Variants in ABCC12 observed in about 807,000 individuals in gnomAD.
The protein encoded by ABCC12 is ATP binding cassette subfamily C member 12, also known as ATP-binding cassette sub-family C member 12.
ABCC12 carries 142 observed loss-of-function variants against 151.1 expected under a neutral mutation model. The ratio of observed to expected loss-of-function variants is 0.94; its 90% CI spans 0.82 to 1.08. ABCC12 has a LOEUF of 1.08. Ranked by LOEUF, ABCC12 falls within the 50% of genes least tolerant of loss-of-function variation. The pLI is 0.00. For synonymous variants in ABCC12, 645 were observed against 646.4 expected (o/e 1.00, Z 0.03); for missense variants, 1,638 against 1,691.1 (o/e 0.97, Z 0.55).
intron 8 of ABCC12, among the ~76,000 whole-genome samples, chr16:48,136,799 G>A (rs767973603): frequency 3.3e-5 from 5 of 152,126 alleles, no homozygotes; most frequent in African/African-American, 1.2e-4. Flanking sequence ...CAAGGATCCC[G>A]AGGCATGAAC....
intron 1 of ABCC12, among the ~76,000 whole-genome samples, chr16:48,155,328 C>G (rs2150689205): frequency 6.7e-6 from 1 of 148,298 alleles, no homozygotes; most frequent in South Asian, 2.1e-4. Flanking sequence ...AGCCTGGATT[C>G]AGAGCAATTC....
At chr16:48,090,292 A>C (rs962495984) in intron 25 of ABCC12, among the ~76,000 whole-genome samples, 2 of 152,240 alleles carry the variant, frequency 1.3e-5, no homozygotes, top group East Asian at 3.9e-4. Context: ...CAATGGCATC[A>C]TCACAGCTTA....
intron 4 of ABCC12, 94 bp from the exon 5 acceptor site, chr16:48,141,447 C>A: frequency 6.7e-7 from 1 of 1,498,650 alleles, no homozygotes. Flanking sequence ...GGGTGCTCGG[C>A]AGAGCCCCCC....
Position 48,144,002 on chromosome 16 carries a change from C to T in ABCC12, c.183G>A (p.Thr61=), listed in dbSNP as rs769474336. 1.8e-5 allele frequency: 29 copies of T among 1,614,178 alleles called. No individual in the cohort carries two copies. Among genetic ancestry groups the T allele is most frequent in the Admixed American group, 1.2e-4 (7 of 60,028 alleles). The part of the protein sequence containing the change: ...LLSFATFSWL[T]PVMVKGYRQR... ...GCCGGTAGCCTTTCACCATCACCGG[C>T]GTGAGCCAGGAAAATGTGGCGAAGG... The change falls in exon 4 of 31, where the codon ACG becomes ACA. Residue 61 remains threonine (T), a synonymous_variant. Coordinates refer to ENST00000311303, the MANE Select transcript of ABCC12 (RefSeq NM_001393797.1).
intron 24 of ABCC12, among the ~76,000 whole-genome samples, chr16:48,091,894 T>C (rs1213005552): frequency 6.6e-6 from 1 of 152,206 alleles, no homozygotes; most frequent in Non-Finnish European, 1.5e-5. Flanking sequence ...TTGCAGGTGT[T>C]AGCAAGGATC....
chr16:48,104,585 C>A (rs1224797297), intron 21 of ABCC12, among the ~76,000 whole-genome samples: 8 of 152,232 alleles, frequency 5.3e-5, no homozygotes, highest in African/African-American at 1.9e-4. Flanking sequence ...GTGGAAGTCC[C>A]GAGAGACCCC....
chr16:48,144,351 T>C (rs58041814), intron 3 of ABCC12, among the ~76,000 whole-genome samples: 4,902 of 152,288 alleles, frequency 0.032, 251 homozygotes, highest in African/African-American at 0.11. Flanking sequence ...AAGGTAATAA[T>C]ACTCAAAACC....
Position 48,121,767 on chromosome 16 carries a change from T to C in ABCC12, c.1661A>G (p.His554Arg). Residue 554 changes from histidine (H) to arginine (R), a missense_variant, in exon 13 of 31, where the codon CAT becomes CGT. His to Arg is a conservative substitution (Grantham distance 29, BLOSUM62 0). Coordinates refer to ENST00000311303, the MANE Select transcript of ABCC12 (RefSeq NM_001393797.1). ...GAGTATGTTTTCTCTCACATTTCCA[T>C]GAAAGATCCATGCCTGCTGTGAAAC... ...AYVSQQAWIF[H>R]GNVRENILFG... 1 of 1,614,200 alleles carries C rather than the reference T, an allele frequency of 6.2e-7. No homozygotes were observed. Among genetic ancestry groups the C allele is most frequent in the East Asian group, 2.2e-5 (1 of 44,880 alleles).
chr16:48,131,835 T>C (rs1277288039), intron 9 of ABCC12, among the ~76,000 whole-genome samples: 1 of 152,176 alleles, frequency 6.6e-6, no homozygotes, highest in Non-Finnish European at 1.5e-5. Context: ...GAAAGATGCT[T>C]CTATCACATC....
Position 48,138,762 on chromosome 16 carries a change from T to C in ABCC12, c.832-387A>G, listed in dbSNP as rs898240463. Among the ~76,000 whole-genome samples, 7 of 150,744 alleles carry C rather than the reference T, an allele frequency of 4.6e-5. No individual in the cohort carries two copies. The East Asian group carries it at 1.4e-3, about 29-fold the overall frequency. ...CAGGAGGATGGGTTGAGCCCAGGAGTTCAAGACCAGCCTGGACAACATAGC... is the reference window on the plus strand; with the variant it reads ...CAGGAGGATGGGTTGAGCCCAGGAGCTCAAGACCAGCCTGGACAACATAGC... On this transcript the variant is annotated intron_variant, in intron 7 of 30. Coordinates refer to ENST00000311303, the MANE Select transcript of ABCC12 (RefSeq NM_001393797.1).
At chr16:48,139,121 T>C in intron 7 of ABCC12, 42 bp downstream of exon 7, 1 of 1,535,764 alleles carries the variant, frequency 6.5e-7, no homozygotes, top group African/African-American at 1.4e-5. Flanking sequence ...GTGTGTGAAA[T>C]GCAAATACAA....
chr16:48,117,405 A>C (rs1963921196), intron 13 of ABCC12, 72 bp from the exon 14 acceptor site: 4 of 1,537,524 alleles, frequency 2.6e-6, no homozygotes, highest in Non-Finnish European at 2.7e-6. Flanking sequence ...CTGCTTCCAC[A>C]GGCGCTGCTG....
chr16:48,088,629 C>T lies in ABCC12; in HGVS notation c.3391G>A (p.Asp1131Asn). The T allele has an allele frequency of 6.2e-7, 1 of 1,614,226 alleles. No individual in the cohort carries two copies. The highest frequency in any genetic ancestry group is 8.5e-7 in the Non-Finnish European group (1 of 1,180,044). ...TFRDYQMRYR[D>N]NTPLVLDSLN... ...CTGTCGAGAACAAGGGGGGTGTTGT[C>T]TCTGTATCTCATCTGATAGTCTCTG... is the stretch of plus-strand genomic sequence containing the variant. The change falls in exon 26 of 31, where the codon GAC becomes AAC. Residue 1131 changes from aspartate to asparagine, a missense_variant. Physicochemically the swap from Asp to Asn is conservative, Grantham distance 23. Coordinates refer to ENST00000311303, the MANE Select transcript of ABCC12 (RefSeq NM_001393797.1).
intron 13 of ABCC12, among the ~76,000 whole-genome samples, chr16:48,118,249 G>A (rs1963955854): frequency 3.3e-5 from 5 of 152,158 alleles, no homozygotes; most frequent in Admixed American, 2.0e-4. Flanking sequence ...CTGGGATGTC[G>A]TCCCCATGTT....
chr16:48,110,704 G>A (rs1963655096), intron 18 of ABCC12, among the ~76,000 whole-genome samples: 1 of 152,046 alleles, frequency 6.6e-6, no homozygotes, highest in Admixed American at 6.5e-5. Context: ...AGTGTCCCCA[G>A]CAAACTCCTA....
chr16:48,109,296 T>A (rs1333062523), intron 18 of ABCC12, among the ~76,000 whole-genome samples: 1 of 152,096 alleles, frequency 6.6e-6, no homozygotes. Flanking sequence ...GACACCTGAT[T>A]CCCTCAATGT....
At chr16:48,112,281 T>A (rs760960207) in intron 15 of ABCC12, among the ~76,000 whole-genome samples, 17 of 152,114 alleles carry the variant, frequency 1.1e-4, no homozygotes, top group Non-Finnish European at 1.6e-4. Context: ...TACTGCTCCT[T>A]AAATGAGCTG....
chr16:48,141,667 G>A (rs16945876), intron 4 of ABCC12, among the ~76,000 whole-genome samples: 4,912 of 152,290 alleles, frequency 0.032, 252 homozygotes, highest in African/African-American at 0.11. Flanking sequence ...AAGAGGCCAA[G>A]AGAAAAATCT....
At position 48,105,165 on chromosome 16, in the gene ABCC12, A is replaced by C. The variant is rs536150367; in HGVS notation, c.2647T>G (p.Ser883Ala). The C allele has an allele frequency of 8.7e-6, 14 of 1,614,134 alleles. 1 individual carries two copies. In the East Asian group the frequency reaches 2.9e-4, roughly 33 times the overall value. ...TTATCAAACACCGTGTCATGCAGAG[A>C]GGAGGATGCCATCAGTGTGGTCTTG... ...FTKTTLMASS[S>A]LHDTVFDKIL... The change falls in exon 21 of 31, where the codon TCT becomes GCT. Residue 883 changes from serine to alanine, a missense_variant. Physicochemically the swap from Ser to Ala is moderately conservative, Grantham distance 99. Transcript: ENST00000311303.
Sources: allele counts gnomAD v4.1 joint callset (sites outside exome capture counted in the v4.1 genomes callset), GRCh38; gene constraint gnomAD v4.1.1; transcripts MANE v1.5; gene names NCBI Gene and HGNC (gene_info 2026-07-23, HGNC 2026-07-21).